FOCAD: variants seen among roughly 807,000 people sequenced by gnomAD.
FOCAD encodes KIAA1797.
A neutral mutation model predicts 225.6 loss-of-function variants in FOCAD; 198 were observed. The ratio of observed to expected loss-of-function variants is 0.88; its 90% confidence interval spans 0.78 to 0.99. FOCAD has a LOEUF of 0.99. Among genes scored for constraint, FOCAD ranks in the 50% least tolerant of loss-of-function variants. The pLI, the probability that FOCAD is intolerant of heterozygous loss-of-function variation, is 0.00. For missense variants in FOCAD, 2,713 were observed against 2,123.6 expected (o/e 1.28, Z -5.46); for synonymous variants, 897 against 755.0 (o/e 1.19, Z -3.08).
chr9:20,757,070 C>T (rs1281391422), intron 5 of FOCAD, among the ~76,000 whole-genome samples: 2 of 152,164 alleles, frequency 1.3e-5, no homozygotes, highest in African/African-American at 2.4e-5. Flanking sequence ...GCTGGGATTA[C>T]AGGCATGCGC....
At chr9:20,662,846 T>C (rs1232206431) in intron 2 of FOCAD, among the ~76,000 whole-genome samples, 1 of 152,196 alleles carries the variant, frequency 6.6e-6, no homozygotes, top group African/African-American at 2.4e-5. Context: ...ATTCTAAAGA[T>C]TTAGTTTTCA....
chr9:20,969,716 A>G (rs1288961747), intron 35 of FOCAD, among the ~76,000 whole-genome samples: 3 of 146,848 alleles, frequency 2.0e-5, no homozygotes, highest in East Asian at 4.0e-4. Context: ...AAAAAAATAT[A>G]TATATATAGA....
At chr9:20,949,783 T>C in intron 33 of FOCAD, 108 bp downstream of exon 33, 3 of 962,144 alleles carry the variant, frequency 3.1e-6, no homozygotes, top group Non-Finnish European at 4.9e-6. Flanking sequence ...GGAAAGTCTC[T>C]GGTTATTCCC....
At position 20,807,078 on chromosome 9, in the gene FOCAD, T is replaced by C. The variant is rs1822538950; in HGVS notation, c.1456-12718T>C. ...AACCCACCTCATTAAATTCATCATG[T>C]GGATTAAATGATATAATCCAGAGTA... On this transcript the variant is annotated intron_variant, in intron 11 of 43. Transcript: ENST00000338382. Among the ~76,000 whole-genome samples the C allele has an allele frequency of 1.3e-5, 2 of 152,244 alleles. 1 individual carries two copies. Among genetic ancestry groups the C allele is most frequent in the South Asian group, 4.1e-4 (2 of 4,834 alleles).
At chr9:20,976,310 AT>A in intron 35 of FOCAD, 109 bp from the exon 36 acceptor site, 1 of 992,054 alleles carries the variant, frequency 1.0e-6, no homozygotes, top group Non-Finnish European at 1.5e-6. Flanking sequence ...GCAATTGAAT[AT>A]GTGATATCAG....
intron 1 of FOCAD, among the ~76,000 whole-genome samples, chr9:20,701,596 A>G (rs931914430): frequency 1.9e-4 from 29 of 152,232 alleles, no homozygotes; most frequent in African/African-American, 4.6e-4. Flanking sequence ...GAAGTGGCCA[A>G]TTGTTATCCT....
intron 19 of FOCAD, among the ~76,000 whole-genome samples, chr9:20,881,008 A>G (rs10811419): frequency 0.24 from 36,210 of 152,108 alleles, 4,352 homozygotes; most frequent in Non-Finnish European, 0.26. Flanking sequence ...CTGTTATTAT[A>G]TAGTAAGTAA....
Position 20,995,685 on chromosome 9 carries a change from G to A in FOCAD, c.*56G>A. On this transcript the variant is annotated 3_prime_UTR_variant, in exon 44 of 44. Coordinates refer to ENST00000338382, the MANE Select transcript of FOCAD (RefSeq NM_001375567.1). ...GCTGGATGAGGAAAACCATATAAGT[G>A]GAAGAAGTTTTTCAGAATTCATGCC... The A allele has an allele frequency of 6.6e-7, 1 of 1,521,894 alleles. No homozygotes were observed. Among genetic ancestry groups the A allele is most frequent in the South Asian group, 1.1e-5 (1 of 88,634 alleles). The allele number at this position is 1,521,894 out of a possible 1,614,324, so 94.3% of individuals were successfully genotyped here. A position where few individuals can be genotyped will look rare whatever the true frequency, so the allele number is the denominator to read the frequency against.
rs763542473 is a variant in FOCAD at position 20,981,665 on chromosome 9, C to T, written c.4617C>T (p.Asp1539=). 6.2e-7 allele frequency: 1 copy of T among 1,608,938 alleles called. No homozygotes were observed. Among genetic ancestry groups the T allele is most frequent in the Admixed American group, 1.7e-5 (1 of 58,806 alleles). The change falls in exon 38 of 44, where the codon GAC becomes GAT. Residue 1539 remains aspartate (D), a synonymous_variant. Transcript: ENST00000338382. ...LLSEATGKIF[D]LLPNKIRRKD... ...CTGAAGCTACTGGGAAAATTTTTGACCTCCTGCCAAATAAGATTCGGGTGA... is the reference window on the plus strand; with the variant it reads ...CTGAAGCTACTGGGAAAATTTTTGATCTCCTGCCAAATAAGATTCGGGTGA...
chr9:20,719,900 G>C (rs1825644996), intron 3 of FOCAD, among the ~76,000 whole-genome samples: 1 of 149,636 alleles, frequency 6.7e-6, no homozygotes. Context: ...CAAGGGCATT[G>C]TGGGTGGTGG....
intron 21 of FOCAD, among the ~76,000 whole-genome samples, chr9:20,894,940 G>T (rs1831948292): frequency 6.6e-6 from 1 of 151,952 alleles, no homozygotes; most frequent in African/African-American, 2.4e-5. Context: ...TATCTTCTAG[G>T]AATGTTACAG....
At chr9:20,987,979 A>G (rs935652110) in intron 40 of FOCAD, among the ~76,000 whole-genome samples, 8 of 152,258 alleles carry the variant, frequency 5.3e-5, no homozygotes, top group Non-Finnish European at 1.0e-4. Flanking sequence ...ATAAAAACAA[A>G]TAATTGTCAA....
intron 4 of FOCAD, among the ~76,000 whole-genome samples, 189 bp from the exon 5 acceptor site, chr9:20,740,047 C>G (rs1031761412): frequency 4.6e-5 from 7 of 152,064 alleles, no homozygotes; most frequent in African/African-American, 1.7e-4. Context: ...TTCTTTAGCT[C>G]CATTTCTTCT....
At chr9:20,679,210 T>C (rs1007769097) in intron 2 of FOCAD, among the ~76,000 whole-genome samples, 2 of 150,784 alleles carry the variant, frequency 1.3e-5, no homozygotes, top group African/African-American at 4.9e-5. Context: ...AGGGAGATCA[T>C]GTATGGCCCT....
chr9:20,948,272 C>T lies in FOCAD; in HGVS notation c.3677C>T (p.Thr1226Ile). The T allele has an allele frequency of 6.2e-7, 1 of 1,603,194 alleles. No individual in the cohort carries two copies. Among genetic ancestry groups the T allele is most frequent in the Non-Finnish European group, 8.5e-7 (1 of 1,174,532 alleles). The change falls in exon 31 of 44, where the codon ACT becomes ATT. Residue 1226 changes from threonine to isoleucine, a missense_variant and splice_region_variant. Transcript: ENST00000338382. ...CCCATTTTTATTTATTTATATCAGA[C>T]TTCAGGTTTTGCCCTGGCTTTAGGA... The part of the protein sequence containing the change: ...LRLLVENSQQ[T>I]SGFALALGNI...
intron 35 of FOCAD, among the ~76,000 whole-genome samples, chr9:20,957,020 A>G (rs373289890): frequency 1.3e-5 from 2 of 152,160 alleles, no homozygotes; most frequent in African/African-American, 4.8e-5. Flanking sequence ...ATATTATATT[A>G]TAAACTTTCC....
At chr9:20,890,438 A>G (rs1025873288) in intron 21 of FOCAD, among the ~76,000 whole-genome samples, 5 of 151,180 alleles carry the variant, frequency 3.3e-5, no homozygotes, top group South Asian at 2.1e-4. Context: ...ATCAATTGAG[A>G]TGATTCAACG....
intron 13 of FOCAD, among the ~76,000 whole-genome samples, chr9:20,820,682 T>C (rs968442880): frequency 6.6e-6 from 1 of 152,158 alleles, no homozygotes; most frequent in Non-Finnish European, 1.5e-5. Flanking sequence ...AATGGAAATA[T>C]AGTTATAAAT....
At chr9:20,904,244 C>A (rs1419414417) in intron 21 of FOCAD, among the ~76,000 whole-genome samples, 1 of 151,848 alleles carries the variant, frequency 6.6e-6, no homozygotes, top group East Asian at 1.9e-4. Context: ...TGTTTGAATA[C>A]CTGTTTTCAG....
Sources: allele counts gnomAD v4.1 joint callset (sites outside exome capture counted in the v4.1 genomes callset), GRCh38; gene constraint gnomAD v4.1.1; transcripts MANE v1.5; gene names NCBI Gene and HGNC (gene_info 2026-07-23, HGNC 2026-07-21).